Variants in HARS1 observed in about 807,000 individuals in gnomAD.
The protein encoded by HARS1 is histidyl-tRNA synthetase 1, also known as histidine--tRNA ligase, cytoplasmic.
Under a neutral mutation model 63.6 loss-of-function variants are expected in HARS1, and 45 were observed. That is an observed-to-expected ratio of 0.71 (90% CI 0.56 to 0.91). The LOEUF (loss-of-function observed/expected upper bound fraction) is 0.91. Ranked by LOEUF, HARS1 falls within the 40% of genes least tolerant of loss-of-function variation. HARS1 has a pLI of 0.00. For synonymous variants in HARS1, 205 were observed against 247.1 expected (o/e 0.83, Z 1.60); for missense variants, 508 against 643.2 (o/e 0.79, Z 2.27).
rs747156884 is a variant in HARS1 at position 140,674,274 on chromosome 5, G to A, written c.1513C>T (p.Pro505Ser). 24 of 1,608,942 alleles carry A rather than the reference G, an allele frequency of 1.5e-5. No individual in the cohort carries two copies. The highest frequency in any genetic ancestry group is 1.9e-5 in the Non-Finnish European group (22 of 1,175,216). ...VEEIKRRTGQ[P>S]LCIC ...TGTTCAGTTCAGCAGATGCAGAGGG[G>A]CTGGCCTGTTCTCCTTTTGATTTCC... Residue 505 changes from proline to serine, a missense_variant, in exon 13 of 13, where the codon CCC (proline) becomes TCC (serine). Pro to Ser is a moderately conservative substitution (Grantham distance 74, BLOSUM62 -1). Coordinates refer to ENST00000504156, the MANE Select transcript of HARS1 (RefSeq NM_002109.6).
At chr5:140,681,325 T>C (rs1758718728) in intron 3 of HARS1, among the ~76,000 whole-genome samples, 1 of 152,084 alleles carries the variant, frequency 6.6e-6, no homozygotes, top group South Asian at 2.1e-4. Context: ...CAATATGTTG[T>C]TGTAAGAAGA....
chr5:140,679,203 G>C lies in HARS1; in HGVS notation c.397-76C>G, dbSNP rs1256273579. ...TGATTATCATCACCAACAGAAGCTG[G>C]GGTCTAACCCCTCCCTATGTGGGTA... On this transcript the variant is annotated intron_variant, in intron 4 of 12. Transcript: ENST00000504156. This position sits in a 1 kb window ranked among gnomAD's most constrained non-coding sequence, Gnocchi z 4.3. The C allele has an allele frequency of 1.4e-6, 2 of 1,473,482 alleles. No homozygotes were observed. Among genetic ancestry groups the C allele is most frequent in the Non-Finnish European group, 1.9e-6 (2 of 1,062,136 alleles). 91.3% of individuals were successfully genotyped at this position (1,473,482 alleles called of 1,614,324 possible).
Position 140,679,023 on chromosome 5 carries a change from T to G in HARS1, c.501A>C (p.Arg167=), listed in dbSNP as rs763249148. 1.2e-6 allele frequency: 2 copies of G among 1,614,034 alleles called. No individual in the cohort carries two copies. The highest frequency in any genetic ancestry group is 2.2e-5 in the South Asian group (2 of 91,066). ...TCACACACTGGTAGAATTCCCGGTATCGGCCACGGGTCATGGCTGGGTTAT... is the reference window on the plus strand; with the variant it reads ...TCACACACTGGTAGAATTCCCGGTAGCGGCCACGGGTCATGGCTGGGTTAT... ...RRDNPAMTRG[R]YREFYQCDFD... is the part of the protein sequence containing the mutation. The change falls in exon 5 of 13, where the codon CGA becomes CGC. Residue 167 remains arginine (R), a synonymous_variant. Transcript: ENST00000504156. The surrounding 1 kb of genome is among the most constrained non-coding windows in gnomAD (Gnocchi z 4.3).
At chr5:140,688,812 A>C (rs943453850) in intron 2 of HARS1, among the ~76,000 whole-genome samples, 3 of 152,206 alleles carry the variant, frequency 2.0e-5, no homozygotes, top group Non-Finnish European at 2.9e-5. Context: ...GTGCCATCTA[A>C]CATGTTCCTC....
chr5:140,683,276 A>G, intron 2 of HARS1, 57 bp from the exon 3 acceptor site: 2 of 1,565,630 alleles, frequency 1.3e-6, no homozygotes, highest in Non-Finnish European at 1.8e-6. Context: ...CAAGAACAAT[A>G]TGTTTTGGAA....
Position 140,679,030 on chromosome 5 carries a change from C to T in HARS1, c.494G>A (p.Arg165His), listed in dbSNP as rs373522589. 1.9e-5 allele frequency: 30 copies of T among 1,613,860 alleles called. No homozygotes were observed. The highest frequency in any genetic ancestry group is 1.1e-4 in the East Asian group (5 of 44,890). Residue 165 changes from arginine (R) to histidine (H), a missense_variant, in exon 5 of 13, where the codon CGT (arginine) becomes CAT (histidine). Around this residue, in one of 2 missense-constraint regions of HARS1, gnomAD observed 403 missense variants for 548.7 expected, o/e 0.73. Transcript: ENST00000504156. This position sits in a 1 kb window ranked among gnomAD's most constrained non-coding sequence, Gnocchi z 4.3. ...CTGGTAGAATTCCCGGTATCGGCCA[C>T]GGGTCATGGCTGGGTTATCCCGCCG... is the stretch of plus-strand genomic sequence containing the variant. ...VYRRDNPAMTRGRYREFYQCD... is the reference protein window; with the variant it reads ...VYRRDNPAMTHGRYREFYQCD...
intron 2 of HARS1, chr5:140,687,751 CT>C (rs1261756701): frequency 6.6e-6 from 1 of 152,130 alleles, no homozygotes; most frequent in Non-Finnish European, 1.5e-5. Context: ...CTCACCAGCG[CT>C]TTTGTGCCTT....
intron 2 of HARS1, chr5:140,684,292 C>A: frequency 2.2e-6 from 2 of 912,042 alleles, no homozygotes; most frequent in Non-Finnish European, 2.6e-6. Flanking sequence ...TCTGTCAAAA[C>A]AAAAACAAAA....
chr5:140,680,554 T>C (rs560676062), intron 3 of HARS1, among the ~76,000 whole-genome samples: 1 of 152,028 alleles, frequency 6.6e-6, no homozygotes, highest in Admixed American at 6.6e-5. Context: ...TAAAAAAAAA[T>C]TTTTTTAGGC....
chr5:140,678,084 T>C, intron 5 of HARS1, 69 bp from the exon 6 acceptor site: 1 of 826,514 alleles, frequency 1.2e-6, no homozygotes, highest in South Asian at 1.4e-5. Flanking sequence ...CTGGGAGCTC[T>C]GTCCTCTAGG....
At position 140,679,059 on chromosome 5, in the gene HARS1, T is replaced by A; in HGVS notation, c.465A>T (p.Val155=). Residue 155 remains valine (V), a synonymous_variant, in exon 5 of 13, where the codon GTA becomes GTT. Transcript: ENST00000504156. The surrounding 1 kb of genome is among the most constrained non-coding windows in gnomAD (Gnocchi z 4.3). ...TNIKRYHIAK[V]YRRDNPAMTR... is the part of the protein sequence containing the mutation. ...TCATGGCTGGGTTATCCCGCCGATA[T>A]ACCTTTGCTATGTGGTAGCGTTTAA... The A allele has an allele frequency of 1.9e-6, 3 of 1,614,094 alleles. No individual in the cohort carries two copies. In the South Asian group the frequency reaches 3.3e-5, roughly 18 times the overall value.
intron 2 of HARS1, among the ~76,000 whole-genome samples, chr5:140,689,420 AT>A (rs372456657): frequency 1.5e-4 from 22 of 151,230 alleles, no homozygotes; most frequent in African/African-American, 5.3e-4. Flanking sequence ...GCTATACTAT[AT>A]TTTTTATTTG....
At chr5:140,678,064 AG>A (rs1356252431) in intron 5 of HARS1, 49 bp from the exon 6 acceptor site, 3 of 991,380 alleles carry the variant, frequency 3.0e-6, no homozygotes, top group East Asian at 2.4e-5. Context: ...ACCTTTCTGA[AG>A]GGGGGACTCT....
intron 2 of HARS1, among the ~76,000 whole-genome samples, chr5:140,685,859 G>A (rs1758992997): frequency 6.6e-6 from 1 of 151,452 alleles, no homozygotes; most frequent in Non-Finnish European, 1.5e-5. Flanking sequence ...TCTTTCAAAT[G>A]TTGATACATT....
rs188490030 is a variant in HARS1 at position 140,691,153 on chromosome 5, A to G, written c.90+62T>C. The G allele has an allele frequency of 4.7e-5, 60 of 1,277,582 alleles. 1 individual carries two copies. In the Admixed American group the frequency reaches 1.0e-3, roughly 21 times the overall value. 79.1% of individuals were successfully genotyped at this position (1,277,582 alleles called of 1,614,324 possible). A position where few individuals can be genotyped will look rare whatever the true frequency, so the allele number is the denominator to read the frequency against. ...CACATCTCTACCCTATGTCCCGAACACCCTGGCTTTACGTCCTCCCAGGCT... is the reference window on the plus strand; with the variant it reads ...CACATCTCTACCCTATGTCCCGAACGCCCTGGCTTTACGTCCTCCCAGGCT... On this transcript the variant is annotated intron_variant, in intron 1 of 12. Transcript: ENST00000504156.
chr5:140,679,072 T>G lies in HARS1; in HGVS notation c.452A>C (p.His151Pro). 1 of 1,614,020 alleles carries G rather than the reference T, an allele frequency of 6.2e-7. No individual in the cohort carries two copies. The highest frequency in any genetic ancestry group is 8.5e-7 in the Non-Finnish European group (1 of 1,179,868). ...ATCCCGCCGATATACCTTTGCTATGTGGTAGCGTTTAATGTTGGTCAGTTT... is the reference window on the plus strand; with the variant it reads ...ATCCCGCCGATATACCTTTGCTATGGGGTAGCGTTTAATGTTGGTCAGTTT... Reference protein sequence around the residue: ...MNKLTNIKRYHIAKVYRRDNP... With the variant: ...MNKLTNIKRYPIAKVYRRDNP... Residue 151 changes from histidine (H) to proline (P), a missense_variant, in exon 5 of 13, where the codon CAC becomes CCC. By Grantham distance (77) the His-to-Pro change is moderately conservative (BLOSUM62 -2). This residue lies in a region of HARS1 where 403 missense variants were observed against 548.7 expected (regional missense o/e 0.73). Transcript: ENST00000504156. This position sits in a 1 kb window ranked among gnomAD's most constrained non-coding sequence, Gnocchi z 4.3.
intron 3 of HARS1, 120 bp downstream of exon 3, chr5:140,682,980 G>T: frequency 1.2e-6 from 1 of 853,238 alleles, no homozygotes; most frequent in Non-Finnish European, 1.9e-6. Context: ...TTGGAGCAAA[G>T]ACTGGTCTGT....
chr5:140,678,934 CAA>C, intron 5 of HARS1, 66 bp downstream of exon 5: 2 of 1,541,028 alleles, frequency 1.3e-6, no homozygotes, highest in Non-Finnish European at 1.8e-6. Context: ...CGTGAGTACT[CAA>C]TAGATTCTGC....
chr5:140,676,503 G>A lies in HARS1; in HGVS notation c.1194+151C>T. On this transcript the variant is annotated intron_variant, in intron 10 of 12. Coordinates refer to ENST00000504156, the MANE Select transcript of HARS1 (RefSeq NM_002109.6). This position sits in a 1 kb window ranked among gnomAD's most constrained non-coding sequence, Gnocchi z 4.1. ...GATCCATAAAACTTACATATAATGG[G>A]GTAGAAATCTGTGAAAAAGAGCAAT... 1.3e-6 allele frequency: 1 copy of A among 792,418 alleles called. No individual in the cohort carries two copies. 49.1% of individuals were successfully genotyped at this position (792,418 alleles called of 1,614,324 possible).
Sources: allele counts gnomAD v4.1 joint callset (sites outside exome capture counted in the v4.1 genomes callset), GRCh38; gene constraint gnomAD v4.1.1; regional missense constraint gnomAD v4.1.1; non-coding constraint Gnocchi (gnomAD v3.1); transcripts MANE v1.5; gene names NCBI Gene and HGNC (gene_info 2026-07-23, HGNC 2026-07-21).